LRRC4C: variants seen among roughly 807,000 people sequenced by gnomAD.
LRRC4C encodes leucine-rich repeat-containing protein 4C.
LRRC4C carries 5 observed loss-of-function variants against 33.6 expected under a neutral mutation model. The ratio of observed to expected loss-of-function variants is 0.15; its 90% CI spans 0.08 to 0.31. LRRC4C has a LOEUF of 0.31. Among genes scored for constraint, LRRC4C ranks in the 10% least tolerant of loss-of-function variants. The probability of loss-of-function intolerance (pLI) is 1.00; values close to 1 mark genes in which losing one functional copy is unlikely to be tolerated. For synonymous variants in LRRC4C, 329 were observed against 302.0 expected (o/e 1.09, Z -0.93); for missense variants, 560 against 796.7 (o/e 0.70, Z 3.58).
intron 2 of LRRC4C, among the ~76,000 whole-genome samples, chr11:40,778,895 T>G (rs551094875): frequency 5.3e-5 from 8 of 152,172 alleles, no homozygotes; most frequent in Non-Finnish European, 1.2e-4. Flanking sequence ...AGGAAAAAAG[T>G]AGATCCCATT....
chr11:41,453,096 A>G (rs1956075937), intron 1 of LRRC4C, among the ~76,000 whole-genome samples: 1 of 152,134 alleles, frequency 6.6e-6, no homozygotes. Context: ...CTAATGAGAC[A>G]TAACATATTG....
intron 4 of LRRC4C, among the ~76,000 whole-genome samples, chr11:40,287,650 TCTTGA>T (rs1303911366): frequency 2.6e-5 from 4 of 152,196 alleles, no homozygotes; most frequent in African/African-American, 9.6e-5. Context: ...TGCAACTGAT[TCTTGA>T]CCTTCTTAGG....
chr11:40,185,510 G>T (rs1861337255), intron 5 of LRRC4C, among the ~76,000 whole-genome samples: 1 of 152,114 alleles, frequency 6.6e-6, no homozygotes. Flanking sequence ...TTATAATTTA[G>T]TTAGGCATCT....
chr11:41,122,803 A>G (rs1942509459), intron 1 of LRRC4C: 1 of 152,034 alleles, frequency 6.6e-6, no homozygotes, highest in Admixed American at 6.6e-5. Flanking sequence ...GGTAGACTGT[A>G]TTTTTAATGA....
At chr11:41,029,873 G>A (rs557454562) in intron 1 of LRRC4C, among the ~76,000 whole-genome samples, 3 of 151,812 alleles carry the variant, frequency 2.0e-5, no homozygotes, top group East Asian at 1.9e-4. Context: ...AAGATGGTCC[G>A]GGAAAACACA....
At chr11:41,453,229 G>A (rs973532007) in intron 1 of LRRC4C, among the ~76,000 whole-genome samples, 17 of 152,082 alleles carry the variant, frequency 1.1e-4, no homozygotes, top group Admixed American at 1.0e-3. Context: ...GTACAATCAT[G>A]CACATGGCAT....
At chr11:40,738,643 C>T (rs1948003601) in intron 2 of LRRC4C, among the ~76,000 whole-genome samples, 1 of 152,028 alleles carries the variant, frequency 6.6e-6, no homozygotes, top group Admixed American at 6.6e-5. Context: ...AAAACTTTAG[C>T]TCTCCCCAAA....
At chr11:40,407,812 G>A (rs1950014122) in intron 3 of LRRC4C, among the ~76,000 whole-genome samples, 1 of 152,022 alleles carries the variant, frequency 6.6e-6, no homozygotes, top group African/African-American at 2.4e-5. Flanking sequence ...CTAAAGAAAT[G>A]TAAATTCCAT....
intron 4 of LRRC4C, among the ~76,000 whole-genome samples, chr11:40,291,843 C>G (rs1467292526): frequency 1.3e-5 from 2 of 152,064 alleles, no homozygotes; most frequent in South Asian, 2.1e-4. Flanking sequence ...GTGCATCTAA[C>G]TCCGGGGCTG....
At chr11:40,702,367 T>C (rs560206600) in intron 2 of LRRC4C, among the ~76,000 whole-genome samples, 40 of 152,284 alleles carry the variant, frequency 2.6e-4, no homozygotes, top group African/African-American at 8.4e-4. Flanking sequence ...ACCAAACTTT[T>C]AAACCTTTGC....
intron 4 of LRRC4C, among the ~76,000 whole-genome samples, chr11:40,316,020 T>C (rs577858630): frequency 2.0e-5 from 3 of 152,112 alleles, no homozygotes; most frequent in South Asian, 4.1e-4. Flanking sequence ...TAGCAAGATC[T>C]CTATGAATTA....
intron 1 of LRRC4C, among the ~76,000 whole-genome samples, chr11:41,090,206 G>A (rs867297542): frequency 2.6e-5 from 4 of 152,016 alleles, no homozygotes; most frequent in Non-Finnish European, 5.9e-5. Context: ...GAGTTATATA[G>A]GGAGAGATAT....
At chr11:41,126,629 A>T (rs1942755540) in intron 1 of LRRC4C, among the ~76,000 whole-genome samples, 2 of 151,974 alleles carry the variant, frequency 1.3e-5, no homozygotes, top group Admixed American at 1.3e-4. Context: ...CCCTTCCAAC[A>T]CTGATTCTGG....
At chr11:40,773,196 G>T (rs1357743399) in intron 2 of LRRC4C, among the ~76,000 whole-genome samples, 1 of 152,172 alleles carries the variant, frequency 6.6e-6, no homozygotes. Flanking sequence ...GTTAGCAGAG[G>T]CTGGGAAGGA....
intron 3 of LRRC4C, among the ~76,000 whole-genome samples, chr11:40,352,628 A>T (rs1299779885): frequency 6.9e-6 from 1 of 145,406 alleles, no homozygotes; most frequent in East Asian, 2.2e-4. Flanking sequence ...CACCACAATT[A>T]CAGTGTTATA....
At chr11:41,413,341 A>G (rs184476253) in intron 1 of LRRC4C, among the ~76,000 whole-genome samples, 1 of 152,314 alleles carries the variant, frequency 6.6e-6, no homozygotes, top group Admixed American at 6.5e-5. Flanking sequence ...GTTAATGGTA[A>G]TACCAATTAT....
At chr11:41,268,271 A>C (rs1331696054) in intron 1 of LRRC4C, among the ~76,000 whole-genome samples, 1 of 152,088 alleles carries the variant, frequency 6.6e-6, no homozygotes, top group East Asian at 1.9e-4. Context: ...ACTGCTTAGA[A>C]GTAGATCATT....
At chr11:41,222,830 CAAAAAAAAAAAAAA>C (rs57071602) in intron 1 of LRRC4C, 10 of 49,248 alleles carry the variant, frequency 2.0e-4, no homozygotes, top group African/African-American at 1.4e-4. Context: ...TTTTTCCTCT[CAAAAAAAAAAAAAA>C]AAAAAAAAAA....
chr11:40,501,736 G>A (rs548496559), intron 3 of LRRC4C, among the ~76,000 whole-genome samples: 12 of 152,166 alleles, frequency 7.9e-5, no homozygotes, highest in African/African-American at 2.9e-4. Flanking sequence ...TGTGATGGGA[G>A]GGGCTGCCAC....
Sources: allele counts gnomAD v4.1 joint callset (sites outside exome capture counted in the v4.1 genomes callset), GRCh38; gene constraint gnomAD v4.1.1; transcripts MANE v1.5; gene names NCBI Gene and HGNC (gene_info 2026-07-23, HGNC 2026-07-21).